Variants in PDE6B observed in about 807,000 individuals in gnomAD.
PDE6B encodes phosphodiesterase 6B.
In PDE6B, 106 loss-of-function variants were observed where a neutral mutation model predicts 109.0. That is an observed-to-expected ratio of 0.97 (90% confidence interval 0.83 to 1.14). PDE6B has a LOEUF of 1.14. PDE6B is among the 50% of genes most tolerant of loss of function. The pLI is 0.00. For synonymous variants in PDE6B, 490 were observed against 471.3 expected (o/e 1.04, Z -0.51); for missense variants, 1,193 against 1,155.6 (o/e 1.03, Z -0.47).
intron 11 of PDE6B, among the ~76,000 whole-genome samples, chr4:659,958 TG>T (rs1736866683): frequency 6.6e-6 from 1 of 152,172 alleles, no homozygotes; most frequent in Non-Finnish European, 1.5e-5. Context: ...ATGTGCCTGG[TG>T]GGTCTGAAAG....
intron 17 of PDE6B, 117 bp downstream of exon 17, chr4:664,338 C>T: frequency 1.4e-6 from 1 of 726,350 alleles, no homozygotes; most frequent in Non-Finnish European, 2.5e-6. Context: ...GAGCCCGTCG[C>T]GGCAGCTTGT....
In PDE6B at chr4:667,984, G is replaced by A. The variant is rs1737997501; in HGVS notation, c.2481G>A (p.Glu827=). ...AGGCTCTGGAGGAGAAGGAGGAGGAGGAGAGGGTGGCAGCCAAGAAAGGTC... is the reference window on the plus strand; with the variant it reads ...AGGCTCTGGAGGAGAAGGAGGAGGAAGAGAGGGTGGCAGCCAAGAAAGGTC... ...KVKALEEKEE[E]ERVAAKKVGT... is the part of the protein sequence containing the mutation. The change falls in exon 21 of 22, where the codon GAG becomes GAA. Residue 827 remains glutamate (E), a synonymous_variant. Transcript: ENST00000496514. 6.2e-7 allele frequency: 1 copy of A among 1,612,638 alleles called. No individual in the cohort carries two copies. The highest frequency in any genetic ancestry group is 1.7e-5 in the Admixed American group (1 of 59,986).
At chr4:656,519 C>T (rs2109211769) in intron 8 of PDE6B, among the ~76,000 whole-genome samples, 1 of 151,410 alleles carries the variant, frequency 6.6e-6, no homozygotes. Flanking sequence ...GCGGCCCCCA[C>T]ACACCCCTGC....
At chr4:659,304 G>C (rs962767487) in intron 11 of PDE6B, among the ~76,000 whole-genome samples, 1 of 152,190 alleles carries the variant, frequency 6.6e-6, no homozygotes, top group Non-Finnish European at 1.5e-5. Flanking sequence ...TCTCCTCTGT[G>C]CTTTGCCAGA....
intron 3 of PDE6B, among the ~76,000 whole-genome samples, chr4:639,737 G>A (rs573088436): frequency 1.6e-3 from 250 of 152,280 alleles, no homozygotes; most frequent in East Asian, 4.1e-3. Context: ...TAGGGAGGCC[G>A]AGGCGGGCAG....
In PDE6B at chr4:648,071, A is replaced by G. The variant is rs539221604; in HGVS notation, c.712-5781A>G. 4.7e-4 allele frequency among the ~76,000 whole-genome samples: 71 copies of G among 151,048 alleles called. No homozygotes were observed. The highest frequency in any genetic ancestry group is 2.7e-3 in the South Asian group (13 of 4,782). On this transcript the variant is annotated intron_variant, in intron 3 of 21. Coordinates refer to ENST00000496514, the MANE Select transcript of PDE6B (RefSeq NM_000283.4). The surrounding 1 kb of genome is among the most constrained non-coding windows in gnomAD (Gnocchi z 4.5). ...GCCTGGGCAACAAGAGCAAAACTCC[A>G]TCTCGAAAAAAAAAAGAAAGAAAGA... is the stretch of plus-strand genomic sequence containing the variant.
chr4:635,715 TG>T (rs983222049), intron 2 of PDE6B, among the ~76,000 whole-genome samples, 164 bp from the exon 3 acceptor site: 1 of 152,246 alleles, frequency 6.6e-6, no homozygotes, highest in African/African-American at 2.4e-5. Flanking sequence ...GTGCCCACCC[TG>T]TGCACCTGAG....
intron 3 of PDE6B, chr4:653,380 C>T: frequency 9.2e-7 from 1 of 1,090,780 alleles, no homozygotes; most frequent in Non-Finnish European, 1.1e-6. Flanking sequence ...AGCGGGATGT[C>T]CTGAGTGGGG....
chr4:636,017 C>T lies in PDE6B; in HGVS notation c.711+48C>T. ...TCTGCCCACGAGGGCCAGGGTCCCT[C>T]CGCCCATCTCGCTGCCTGCACAGAG... On this transcript the variant is annotated intron_variant, in intron 3 of 21. Coordinates refer to ENST00000496514, the MANE Select transcript of PDE6B (RefSeq NM_000283.4). The surrounding 1 kb of genome is among the most constrained non-coding windows in gnomAD (Gnocchi z 4.5). The T allele has an allele frequency of 9.1e-7, 1 of 1,095,556 alleles. No individual in the cohort carries two copies. Among genetic ancestry groups the T allele is most frequent in the South Asian group, 1.2e-5 (1 of 80,954 alleles). The allele number at this position is 1,095,556 out of a possible 1,614,324, so 67.9% of individuals were successfully genotyped here.
intron 3 of PDE6B, among the ~76,000 whole-genome samples, chr4:651,354 G>A (rs1184068719): frequency 6.6e-6 from 1 of 152,154 alleles, no homozygotes; most frequent in African/African-American, 2.4e-5. Context: ...AGGGGTTGGT[G>A]GGTCCTCAGG....
intron 3 of PDE6B, among the ~76,000 whole-genome samples, chr4:644,414 G>T (rs1217856231): frequency 6.6e-6 from 1 of 151,978 alleles, no homozygotes; most frequent in Admixed American, 6.6e-5. Context: ...CTAGAATGTG[G>T]TTTATCTTGC....
chr4:664,060 G>T (rs2109264497), intron 16 of PDE6B, 54 bp from the exon 17 acceptor site: 1 of 1,318,222 alleles, frequency 7.6e-7, no homozygotes, highest in East Asian at 2.3e-5. Context: ...GGGCGCTTGG[G>T]GCGGGGTCTC....
At chr4:637,638 G>A (rs769718556) in intron 3 of PDE6B, among the ~76,000 whole-genome samples, 20 of 152,206 alleles carry the variant, frequency 1.3e-4, no homozygotes, top group Non-Finnish European at 2.1e-4. Context: ...AACAGGAGCC[G>A]CGGCCTGGGG....
chr4:657,070 G>A (rs2109215636), intron 9 of PDE6B, 47 bp downstream of exon 9: 1 of 1,589,398 alleles, frequency 6.3e-7, no homozygotes, highest in East Asian at 2.2e-5. Flanking sequence ...CCCTGCGAGG[G>A]GTGGGGCCTG....
At chr4:643,053 TA>T (rs1735021626) in intron 3 of PDE6B, among the ~76,000 whole-genome samples, 1 of 152,174 alleles carries the variant, frequency 6.6e-6, no homozygotes, top group Non-Finnish European at 1.5e-5. Flanking sequence ...CTCACACCTA[TA>T]ATCCCAGCAC....
Position 636,281 on chromosome 4 carries a change from G to C in PDE6B, c.711+312G>C, listed in dbSNP as rs1488965505. Reference sequence around the variant, plus strand: ...GGAGAAGCCAGTATGAGTGACGAGTGAGCAGGGAGCAGAGGGGCTCCCTGG... The same window carrying C: ...GGAGAAGCCAGTATGAGTGACGAGTCAGCAGGGAGCAGAGGGGCTCCCTGG... On this transcript the variant is annotated intron_variant, in intron 3 of 21. Transcript: ENST00000496514. This position sits in a 1 kb window ranked among gnomAD's most constrained non-coding sequence, Gnocchi z 4.5. Among the ~76,000 whole-genome samples the C allele has an allele frequency of 6.6e-6, 1 of 152,194 alleles. No individual in the cohort carries two copies. The highest frequency in any genetic ancestry group is 6.5e-5 in the Admixed American group (1 of 15,286).
chr4:639,373 G>A (rs980166649), intron 3 of PDE6B, among the ~76,000 whole-genome samples: 2 of 152,044 alleles, frequency 1.3e-5, no homozygotes, highest in African/African-American at 4.8e-5. Flanking sequence ...GGGCAGTTCT[G>A]TGATGTTTTT....
rs1173402643 is a variant in PDE6B at position 625,786 on chromosome 4, G to A, written c.160G>A (p.Glu54Lys). 6.2e-7 allele frequency: 1 copy of A among 1,613,320 alleles called. No individual in the cohort carries two copies. The highest frequency in any genetic ancestry group is 2.2e-5 in the East Asian group (1 of 44,892). Residue 54 changes from glutamate to lysine, a missense_variant, in exon 1 of 22, where the codon GAG (glutamate) becomes AAG (lysine). Physicochemically the swap from Glu to Lys is moderately conservative, Grantham distance 56 (BLOSUM62 1). Transcript: ENST00000496514. The surrounding 1 kb of genome is among the most constrained non-coding windows in gnomAD (Gnocchi z 5.0). The stretch of plus-strand genomic sequence containing the variant: ...CAGCCTCCGGGACCTCTGCCAGGTG[G>A]AGGAGAGCACGGCGCTGCTGGAGCT... ...CDSLRDLCQV[E>K]ESTALLELVQ...
chr4:640,564 T>A (rs1030176778), intron 3 of PDE6B, among the ~76,000 whole-genome samples: 7 of 151,886 alleles, frequency 4.6e-5, no homozygotes, highest in African/African-American at 1.7e-4. Flanking sequence ...CAACTTAGCA[T>A]TTTTTTTCCC....
Sources: allele counts gnomAD v4.1 joint callset (sites outside exome capture counted in the v4.1 genomes callset), GRCh38; gene constraint gnomAD v4.1.1; non-coding constraint Gnocchi (gnomAD v3.1); transcripts MANE v1.5; gene names NCBI Gene and HGNC (gene_info 2026-07-23, HGNC 2026-07-21).